The following FGF12 variants were observed in gnomAD, a reference collection of about 807,000 sequenced individuals.
The protein encoded by FGF12 is fibroblast growth factor 12B.
Under a neutral mutation model 23.6 loss-of-function variants are expected in FGF12, and 14 were observed. That is an observed-to-expected ratio of 0.59 (90% CI 0.39 to 0.93). FGF12 has a LOEUF of 0.93. Among genes scored for constraint, FGF12 ranks in the 40% least tolerant of loss-of-function variants. The pLI is 0.00. For missense variants in FGF12, 175 were observed against 217.8 expected (o/e 0.80, Z 1.24); for synonymous variants, 62 against 77.3 (o/e 0.80, Z 1.04).
At chr3:192,167,759 ATATATATATAAAATTTT>A (rs1258113645) in intron 5 of FGF12, among the ~76,000 whole-genome samples, 490 of 35,440 alleles carry the variant, frequency 0.014, 34 homozygotes, top group Middle Eastern at 0.045. Context: ...ATATATATAT[ATATATATATAAAATTTT>A]TTTTTTTTTT....
rs544636590 is a variant in FGF12 at position 192,485,422 on chromosome 3, A to G, written c.14-124884T>C. 2.7e-4 allele frequency among the ~76,000 whole-genome samples: 41 copies of G among 152,328 alleles called. 1 individual carries two copies. In the East Asian group the frequency reaches 5.2e-3, roughly 19 times the overall value. Reference sequence around the variant, plus strand: ...ATATTAATGCTTCGACAGTAAGAAGACATTTTACTTAGCAGGCATACGTCT... The same window carrying G: ...ATATTAATGCTTCGACAGTAAGAAGGCATTTTACTTAGCAGGCATACGTCT... On this transcript the variant is annotated intron_variant, in intron 2 of 5. Transcript: ENST00000445105.
intron 4 of FGF12, among the ~76,000 whole-genome samples, chr3:192,256,184 G>C (rs1225524047): frequency 1.3e-5 from 2 of 151,992 alleles, no homozygotes; most frequent in African/African-American, 4.8e-5. Flanking sequence ...ATGCAAATTA[G>C]TCATTTACTT....
rs1438211451 is a variant in FGF12, at chr3:192,158,385, T to TC, written c.427+12072_427+12073insG. 1.8e-3 allele frequency among the ~76,000 whole-genome samples: 205 copies of TC among 115,344 alleles called. 2 individuals are homozygous for TC. Among genetic ancestry groups the TC allele is most frequent in the African/African-American group, 8.9e-3 (202 of 22,708 alleles). The allele number at this position is 115,344 out of a possible 152,430, so 75.7% of individuals were successfully genotyped here. A position where few individuals can be genotyped will look rare whatever the true frequency, so the allele number is the denominator to read the frequency against. On this transcript the variant is annotated intron_variant, in intron 5 of 5. Coordinates refer to ENST00000445105, the MANE Select transcript of FGF12 (RefSeq NM_004113.6). ...TTCTTTCTTTCTTTCTTTCTTTCTT[T>TC]TCTTTCTCTCTCTTTCTTTTTCTTT...
At chr3:192,159,242 C>G (rs993225948) in intron 5 of FGF12, among the ~76,000 whole-genome samples, 4 of 152,160 alleles carry the variant, frequency 2.6e-5, no homozygotes, top group African/African-American at 9.7e-5. Flanking sequence ...CATGTCAAGT[C>G]ACTACTGACC....
chr3:192,550,632 G>A (rs1725610731), intron 2 of FGF12, among the ~76,000 whole-genome samples: 1 of 151,836 alleles, frequency 6.6e-6, no homozygotes, highest in Non-Finnish European at 1.5e-5. Flanking sequence ...CATAGGTAGG[G>A]TATAGTTTTA....
intron 2 of FGF12, among the ~76,000 whole-genome samples, chr3:192,427,164 C>T (rs1232763111): frequency 5.9e-5 from 9 of 151,754 alleles, no homozygotes; most frequent in African/African-American, 1.7e-4. Flanking sequence ...GGGTAGATCA[C>T]GAGGTCAGGA....
chr3:192,369,086 C>G (rs1437874337), intron 2 of FGF12, among the ~76,000 whole-genome samples: 1 of 152,192 alleles, frequency 6.6e-6, no homozygotes, highest in African/African-American at 2.4e-5. Flanking sequence ...ACCCCTGTCT[C>G]TGCTGCTGAA....
At chr3:192,390,194 T>A (rs1720231595) in intron 2 of FGF12, among the ~76,000 whole-genome samples, 1 of 152,220 alleles carries the variant, frequency 6.6e-6, no homozygotes, top group Non-Finnish European at 1.5e-5. Context: ...AGCCATACAG[T>A]TTCCCATCTC....
chr3:192,387,535 T>C (rs1356969431), intron 2 of FGF12, among the ~76,000 whole-genome samples: 1 of 152,100 alleles, frequency 6.6e-6, no homozygotes, highest in Non-Finnish European at 1.5e-5. Context: ...TAAAGTAGTA[T>C]AGTTATTTTC....
intron 5 of FGF12, among the ~76,000 whole-genome samples, chr3:192,158,951 T>A (rs988257039): frequency 6.6e-6 from 1 of 152,000 alleles, no homozygotes; most frequent in Admixed American, 6.6e-5. Flanking sequence ...TTCTACTCAG[T>A]GTTCTTTGGT....
At chr3:192,629,741 T>C in intron 2 of FGF12, among the ~76,000 whole-genome samples, 1 of 152,212 alleles carries the variant, frequency 6.6e-6, no homozygotes, top group East Asian at 1.9e-4. Flanking sequence ...AACAGAATGT[T>C]GCAGAGACTT....
At chr3:192,517,191 T>G (rs1724693648) in intron 2 of FGF12, among the ~76,000 whole-genome samples, 1 of 152,180 alleles carries the variant, frequency 6.6e-6, no homozygotes, top group Non-Finnish European at 1.5e-5. Flanking sequence ...TGAGCATCAG[T>G]TTTTATATTT....
intron 5 of FGF12, among the ~76,000 whole-genome samples, chr3:192,149,625 C>T (rs1713940012): frequency 1.6e-5 from 1 of 63,540 alleles, no homozygotes; most frequent in African/African-American, 5.3e-5. Context: ...TCATCCATGT[C>T]CCTACAAAGG....
chr3:192,256,680 C>T (rs186178487), intron 4 of FGF12, among the ~76,000 whole-genome samples: 4 of 152,150 alleles, frequency 2.6e-5, no homozygotes, highest in African/African-American at 7.2e-5. Flanking sequence ...GAAATAGATT[C>T]CTTAGGCAAC....
intron 4 of FGF12, among the ~76,000 whole-genome samples, chr3:192,305,666 G>GAA (rs10663137): frequency 0.068 from 8,515 of 125,018 alleles, 350 homozygotes; most frequent in Middle Eastern, 0.12. Flanking sequence ...GGTGGCTTAG[G>GAA]AAAAAAAAAA....
intron 2 of FGF12, among the ~76,000 whole-genome samples, chr3:192,538,262 T>G (rs1341477003): frequency 1.4e-5 from 2 of 139,456 alleles, no homozygotes; most frequent in African/African-American, 5.1e-5. Flanking sequence ...ATCCGTTTTT[T>G]TTCTTTTGTT....
intron 2 of FGF12, among the ~76,000 whole-genome samples, chr3:192,414,312 A>G (rs1459402778): frequency 2.0e-5 from 3 of 152,238 alleles, no homozygotes; most frequent in African/African-American, 7.2e-5. Flanking sequence ...TTATAAATGA[A>G]GAAACCAGGA....
intron 2 of FGF12, among the ~76,000 whole-genome samples, chr3:192,554,717 C>T (rs1711686452): frequency 1.4e-5 from 2 of 147,310 alleles, no homozygotes; most frequent in Non-Finnish European, 3.0e-5. Context: ...AAACTGAACC[C>T]AAAGAAACAA....
At chr3:192,661,385 G>C (rs1716666217) in intron 2 of FGF12, among the ~76,000 whole-genome samples, 1 of 152,174 alleles carries the variant, frequency 6.6e-6, no homozygotes, top group Non-Finnish European at 1.5e-5. Flanking sequence ...AGCTGGGCAT[G>C]GTGGCATGGG....
Sources: gnomAD v4.1 joint callset for allele counts (sites outside exome capture counted in the v4.1 genomes callset) on GRCh38, gnomAD v4.1.1 for gene constraint, MANE v1.5 for transcripts, NCBI Gene and HGNC (gene_info 2026-07-23, HGNC 2026-07-21) for gene names.